The following ARID1B variants were observed in gnomAD, a reference collection of about 807,000 sequenced individuals.
ARID1B encodes AT-rich interaction domain 1B, also known as AT-rich interactive domain-containing protein 1B.
A neutral mutation model predicts 212.3 loss-of-function variants in ARID1B; 30 were observed. The observed-to-expected ratio is 0.14, with a 90% CI of 0.11 to 0.19. ARID1B has a LOEUF of 0.19. Ranked by LOEUF, ARID1B falls within the 10% of genes least tolerant of loss-of-function variation. The probability of loss-of-function intolerance (pLI) is 1.00; values close to 1 mark genes in which losing one functional copy is unlikely to be tolerated. For missense variants in ARID1B, 2,891 were observed against 3,204.0 expected, an observed-to-expected ratio of 0.90 and a Z score of 2.36; for synonymous variants, 1,402 against 1,301.7, an observed-to-expected ratio of 1.08 and a Z score of -1.66.
chr6:157,099,087 C>T (rs1194436694), intron 5 of ARID1B, among the ~76,000 whole-genome samples: 2 of 152,118 alleles, frequency 1.3e-5, no homozygotes, highest in Non-Finnish European at 2.9e-5. Flanking sequence ...ACTCAGCCTC[C>T]CAAGTAGCAG....
chr6:156,947,976 G>C (rs1011814758), intron 4 of ARID1B, among the ~76,000 whole-genome samples: 13 of 152,328 alleles, frequency 8.5e-5, no homozygotes, highest in African/African-American at 3.1e-4. Flanking sequence ...CAGCTGAACA[G>C]TGGTGGAATA....
intron 4 of ARID1B, among the ~76,000 whole-genome samples, chr6:157,070,289 G>T (rs1418473000): frequency 6.6e-6 from 1 of 151,508 alleles, no homozygotes; most frequent in Non-Finnish European, 1.5e-5. Context: ...AGTAGTACAT[G>T]AAATCAGGTC....
chr6:157,069,041 G>C (rs1464901269), intron 4 of ARID1B, among the ~76,000 whole-genome samples: 2 of 152,166 alleles, frequency 1.3e-5, no homozygotes, highest in African/African-American at 2.4e-5. Context: ...TTTCTCTTCT[G>C]AGTGAAATGT....
chr6:156,843,976 G>C (rs764866502), intron 2 of ARID1B, among the ~76,000 whole-genome samples: 1 of 152,140 alleles, frequency 6.6e-6, no homozygotes, highest in African/African-American at 2.4e-5. Flanking sequence ...GGATCTTGCT[G>C]TAGGAGTTTG....
rs1336112459 is a variant in ARID1B, at chr6:156,991,293, C to T, written c.2247+55717C>T. Reference sequence around the variant, plus strand: ...TCGCCCAAGCTGGAGTGCAATGGTGCGATCTCGGCTCACTGCAACCTCTGC... The same window carrying T: ...TCGCCCAAGCTGGAGTGCAATGGTGTGATCTCGGCTCACTGCAACCTCTGC... On this transcript the variant is annotated intron_variant, in intron 4 of 19. Coordinates refer to ENST00000636930, the MANE Select transcript of ARID1B (RefSeq NM_001374828.1). Among the ~76,000 whole-genome samples the T allele has an allele frequency of 4.6e-5, 7 of 152,134 alleles. No homozygotes were observed. The South Asian group carries it at 1.0e-3, about 23-fold the overall frequency.
chr6:156,816,350 A>C (rs1022849819), intron 1 of ARID1B, among the ~76,000 whole-genome samples: 3 of 152,186 alleles, frequency 2.0e-5, no homozygotes, highest in African/African-American at 7.2e-5. Context: ...GCTTGGAGAG[A>C]GGTAAGGGTT....
rs528798776 is a variant in ARID1B, at chr6:156,832,629, G to C, written c.1986+3208G>C. Among the ~76,000 whole-genome samples, 11 of 152,258 alleles carry C rather than the reference G, an allele frequency of 7.2e-5. No individual in the cohort carries two copies. In the South Asian group the frequency reaches 1.0e-3, roughly 14 times the overall value. Reference sequence around the variant, plus strand: ...GAGTGGTAAGTTGTCTTTGGCTCAGGGGTCACAGTTTGATTCCTGGCTGGC... The same window carrying C: ...GAGTGGTAAGTTGTCTTTGGCTCAGCGGTCACAGTTTGATTCCTGGCTGGC... On this transcript the variant is annotated intron_variant, in intron 2 of 19. Transcript: ENST00000636930.
rs1456027529 is a variant in ARID1B at position 156,855,218 on chromosome 6, AG to A, written c.1986+25798del. On this transcript the variant is annotated intron_variant, in intron 2 of 19. Coordinates refer to ENST00000636930, the MANE Select transcript of ARID1B (RefSeq NM_001374828.1). ...ATTATCTAAGTTATTCTTAAGAATT[AG>A]TAATAGATTTTTAAGGCGTATGGAT... Among the ~76,000 whole-genome samples the A allele has an allele frequency of 2.6e-5, 4 of 152,250 alleles. No individual in the cohort carries two copies. In the East Asian group the frequency reaches 5.8e-4, roughly 22 times the overall value.
chr6:157,041,660 G>A (rs565102484), intron 4 of ARID1B, among the ~76,000 whole-genome samples: 1 of 152,264 alleles, frequency 6.6e-6, no homozygotes, highest in East Asian at 1.9e-4. Context: ...AAGGAAACAG[G>A]AACTCAGAGT....
At chr6:157,185,134 A>C (rs1254690920) in intron 13 of ARID1B, 2 of 152,590 alleles carry the variant, frequency 1.3e-5, no homozygotes, top group Non-Finnish European at 2.9e-5. Context: ...CCACTGACAG[A>C]GACCCTCCCA....
chr6:157,068,978 G>C (rs1323752841), intron 4 of ARID1B, among the ~76,000 whole-genome samples: 1 of 152,162 alleles, frequency 6.6e-6, no homozygotes, highest in Non-Finnish European at 1.5e-5. Flanking sequence ...CTGTGGTCTT[G>C]TTTCAGTTCT....
rs111961887 is a variant in ARID1B at position 157,014,087 on chromosome 6, C to T, written c.2248-70575C>T. Among the ~76,000 whole-genome samples the T allele has an allele frequency of 5.6e-3, 846 of 152,238 alleles. 14 individuals are homozygous for T. The highest frequency in any genetic ancestry group is 0.02 in the African/African-American group (814 of 41,538). ...CAAAAGAAAGGTATGGAACTTAAAA[C>T]GCAGCATGTATTTTCTGCTACTGAA... On this transcript the variant is annotated intron_variant, in intron 4 of 19. Transcript: ENST00000636930.
Position 157,148,582 on chromosome 6 carries a change from G to T in ARID1B, c.2762-42G>T, listed in dbSNP as rs747513776. The T allele has an allele frequency of 6.4e-7, 1 of 1,556,500 alleles. No homozygotes were observed. Among genetic ancestry groups the T allele is most frequent in the Admixed American group, 1.8e-5 (1 of 55,424 alleles). ...GTATTTCCAGTGAATGTTGTCACAA[G>T]TTTAAATAAAAGGCTTTACTTTGTG... On this transcript the variant is annotated intron_variant, in intron 7 of 19. Coordinates refer to ENST00000636930, the MANE Select transcript of ARID1B (RefSeq NM_001374828.1). The surrounding 1 kb of genome is among the most constrained non-coding windows in gnomAD (Gnocchi z 5.6).
intron 5 of ARID1B, among the ~76,000 whole-genome samples, chr6:157,096,143 T>C (rs962791623): frequency 1.3e-5 from 2 of 152,164 alleles, no homozygotes; most frequent in Non-Finnish European, 2.9e-5. Context: ...ATCTTTCCCT[T>C]CACGAAGTCC....
intron 1 of ARID1B, among the ~76,000 whole-genome samples, chr6:156,799,313 G>A (rs1780614130): frequency 6.6e-6 from 1 of 152,220 alleles, no homozygotes; most frequent in Non-Finnish European, 1.5e-5. Context: ...TGGCACAGCT[G>A]CAGTTTGCAC....
At chr6:156,981,862 C>A (rs1335103217) in intron 4 of ARID1B, among the ~76,000 whole-genome samples, 1 of 152,088 alleles carries the variant, frequency 6.6e-6, no homozygotes, top group Non-Finnish European at 1.5e-5. Context: ...CCTCCAACAA[C>A]TGGGCAGTGC....
At chr6:157,125,112 C>A (rs1165323020) in intron 6 of ARID1B, among the ~76,000 whole-genome samples, 1 of 152,148 alleles carries the variant, frequency 6.6e-6, no homozygotes, top group African/African-American at 2.4e-5. Flanking sequence ...GTGTGCTGGG[C>A]TAAGTTTGGC....
chr6:157,081,368 C>T (rs1784621344), intron 4 of ARID1B, among the ~76,000 whole-genome samples: 1 of 152,214 alleles, frequency 6.6e-6, no homozygotes, highest in African/African-American at 2.4e-5. Context: ...AGGCTGAATA[C>T]TTAAACCACT....
chr6:156,921,152 A>G lies in ARID1B; in HGVS notation c.2137-14314A>G, dbSNP rs547349910. 1.9e-4 allele frequency among the ~76,000 whole-genome samples: 29 copies of G among 152,254 alleles called. No homozygotes were observed. The South Asian group carries it at 5.8e-3, about 30-fold the overall frequency. ...GGAAGAGCAGTGGGGGATTAACTTC[A>G]GGATGAATATATTAGTCACCTTGCT... is the stretch of plus-strand genomic sequence containing the variant. On this transcript the variant is annotated intron_variant, in intron 3 of 19. Coordinates refer to ENST00000636930, the MANE Select transcript of ARID1B (RefSeq NM_001374828.1).
Sources: gnomAD v4.1 joint callset for allele counts (sites outside exome capture counted in the v4.1 genomes callset) on GRCh38, gnomAD v4.1.1 for gene constraint, Gnocchi (gnomAD v3.1) non-coding constraint, MANE v1.5 for transcripts, NCBI Gene and HGNC (gene_info 2026-07-23, HGNC 2026-07-21) for gene names.